Variants in GRIK3 observed in about 807,000 individuals in gnomAD.
The protein encoded by GRIK3 is glutamate ionotropic receptor kainate type subunit 3.
In GRIK3, 29 loss-of-function variants were observed where a neutral mutation model predicts 102.5. That is an observed-to-expected ratio of 0.28 (90% confidence interval 0.21 to 0.39). GRIK3 has a LOEUF of 0.39. Among genes scored for constraint, GRIK3 ranks in the 10% least tolerant of loss-of-function variants. The pLI, the probability that GRIK3 is intolerant of heterozygous loss-of-function variation, is 1.00. For synonymous variants in GRIK3, 511 were observed against 504.9 expected, an observed-to-expected ratio of 1.01 and a Z score of -0.16; for missense variants, 908 against 1,252.4, an observed-to-expected ratio of 0.73 and a Z score of 4.15.
At chr1:36,940,496 T>C (rs920103123) in intron 1 of GRIK3, among the ~76,000 whole-genome samples, 2 of 152,220 alleles carry the variant, frequency 1.3e-5, no homozygotes, top group African/African-American at 4.8e-5. Flanking sequence ...CAGATTTGGA[T>C]GGTAAATATT....
At chr1:36,853,571 G>T (rs1277268272) in intron 8 of GRIK3, 44 bp downstream of exon 8, 3 of 1,270,356 alleles carry the variant, frequency 2.4e-6, no homozygotes, top group Non-Finnish European at 3.5e-6. Context: ...GATTTAAGAA[G>T]CCCCTGCTCC....
chr1:36,807,742 G>A (rs1434305544), intron 13 of GRIK3, among the ~76,000 whole-genome samples: 3 of 152,206 alleles, frequency 2.0e-5, no homozygotes, highest in African/African-American at 4.8e-5. Context: ...CAAAGCCACA[G>A]GCAGGACCCC....
chr1:37,009,157 G>T (rs1267380352), intron 1 of GRIK3, among the ~76,000 whole-genome samples: 1 of 152,186 alleles, frequency 6.6e-6, no homozygotes, highest in Non-Finnish European at 1.5e-5. Context: ...CATGTGAAAT[G>T]CCTGACAGAT....
chr1:36,843,160 T>C (rs1283328029), intron 9 of GRIK3, among the ~76,000 whole-genome samples: 3 of 152,182 alleles, frequency 2.0e-5, no homozygotes, highest in African/African-American at 4.8e-5. Flanking sequence ...AGAGAGGCGA[T>C]CCACTTCATC....
intron 1 of GRIK3, among the ~76,000 whole-genome samples, chr1:36,907,447 C>T (rs2124291253): frequency 6.6e-6 from 1 of 152,262 alleles, no homozygotes; most frequent in Non-Finnish European, 1.5e-5. Flanking sequence ...GTTGAGCCTC[C>T]CTTCCTTCCA....
intron 7 of GRIK3, among the ~76,000 whole-genome samples, chr1:36,855,024 C>T (rs1043323481): frequency 4.6e-5 from 7 of 152,200 alleles, no homozygotes; most frequent in Non-Finnish European, 7.3e-5. Context: ...GTTAAATACC[C>T]GAGCTTTCTG....
chr1:37,014,246 A>T (rs1363479675), intron 1 of GRIK3, among the ~76,000 whole-genome samples: 11 of 152,248 alleles, frequency 7.2e-5, no homozygotes, highest in Admixed American at 7.2e-4. Flanking sequence ...GAAAATGGAA[A>T]TCTCACCTCT....
chr1:36,916,070 G>A (rs1641395862), intron 1 of GRIK3, among the ~76,000 whole-genome samples: 1 of 152,188 alleles, frequency 6.6e-6, no homozygotes, highest in Non-Finnish European at 1.5e-5. Flanking sequence ...TATCGTCAAT[G>A]AAATTCAGGC....
intron 1 of GRIK3, among the ~76,000 whole-genome samples, chr1:37,014,528 C>T (rs1476604930): frequency 2.0e-5 from 3 of 152,220 alleles, no homozygotes; most frequent in Non-Finnish European, 4.4e-5. Context: ...ATCATGTGTG[C>T]CCCATCTGGT....
At chr1:36,811,522 A>C (rs992953320) in intron 13 of GRIK3, among the ~76,000 whole-genome samples, 3 of 152,260 alleles carry the variant, frequency 2.0e-5, no homozygotes, top group Non-Finnish European at 4.4e-5. Flanking sequence ...AACAATAAAA[A>C]GTTAGCATTC....
chr1:36,990,656 C>A (rs1339753790), intron 1 of GRIK3, among the ~76,000 whole-genome samples: 1 of 152,172 alleles, frequency 6.6e-6, no homozygotes, highest in Non-Finnish European at 1.5e-5. Context: ...TTTCTGATGA[C>A]AAATGAAGGC....
At chr1:37,024,903 T>C (rs1224942667) in intron 1 of GRIK3, among the ~76,000 whole-genome samples, 2 of 152,148 alleles carry the variant, frequency 1.3e-5, no homozygotes, top group African/African-American at 2.4e-5. Flanking sequence ...TTGCCAGGCA[T>C]GTTAATTCTC....
intron 1 of GRIK3, among the ~76,000 whole-genome samples, chr1:36,956,007 C>T (rs1641901575): frequency 6.6e-6 from 1 of 152,264 alleles, no homozygotes; most frequent in African/African-American, 2.4e-5. Context: ...GACACCTCCT[C>T]CTGCAGGCCT....
rs559179391 is a variant in GRIK3 at position 36,833,094 on chromosome 1, C to T, written c.1531-7268G>A. ...TCACTGATGTGTCTGTAGGGATTAA[C>T]GCAAAGCCTGGCACAATGTAGGGGC... is the stretch of plus-strand genomic sequence containing the variant. On this transcript the variant is annotated intron_variant, in intron 10 of 15. Transcript: ENST00000373091. Among the ~76,000 whole-genome samples the T allele has an allele frequency of 1.8e-4, 28 of 152,254 alleles. 1 individual carries two copies. The highest frequency in any genetic ancestry group is 1.0e-3 in the Admixed American group (16 of 15,306).
At position 36,938,709 on chromosome 1, in the gene GRIK3, T is replaced by C. The variant is rs546540887; in HGVS notation, c.116-47613A>G. Among the ~76,000 whole-genome samples, 75 of 152,182 alleles carry C rather than the reference T, an allele frequency of 4.9e-4. 1 individual carries two copies. The highest frequency in any genetic ancestry group is 1.8e-3 in the African/African-American group (74 of 41,500). ...CTCATCCTCCCACTCTCAACCTGTG[T>C]TCTGAATGGGAGCTGCTCTTCTTGT... On this transcript the variant is annotated intron_variant, in intron 1 of 15. Transcript: ENST00000373091.
intron 10 of GRIK3, among the ~76,000 whole-genome samples, chr1:36,841,164 G>A (rs376936444): frequency 4.6e-5 from 7 of 152,090 alleles, no homozygotes; most frequent in Admixed American, 2.0e-4. Context: ...TCACCTGCCT[G>A]CTTGGGCTCC....
intron 1 of GRIK3, among the ~76,000 whole-genome samples, chr1:36,941,246 A>G (rs900555585): frequency 2.6e-5 from 4 of 152,236 alleles, no homozygotes; most frequent in Non-Finnish European, 4.4e-5. Context: ...CACAGCCTGC[A>G]TCTACCTGTG....
intron 1 of GRIK3, among the ~76,000 whole-genome samples, chr1:36,976,612 G>A (rs1570839635): frequency 6.6e-6 from 1 of 152,268 alleles, no homozygotes; most frequent in East Asian, 1.9e-4. Context: ...TGGGACCCAG[G>A]AGGTATGAAA....
intron 2 of GRIK3, among the ~76,000 whole-genome samples, chr1:36,883,492 C>T (rs1332630687): frequency 6.6e-6 from 1 of 152,232 alleles, no homozygotes; most frequent in Non-Finnish European, 1.5e-5. Context: ...CCTAAAAGTG[C>T]ACCTCCTGCA....
Sources: gnomAD v4.1 joint callset for allele counts (sites outside exome capture counted in the v4.1 genomes callset) on GRCh38, gnomAD v4.1.1 for gene constraint, MANE v1.5 for transcripts, NCBI Gene and HGNC (gene_info 2026-07-23, HGNC 2026-07-21) for gene names.